GSG1L: variants seen among roughly 807,000 people sequenced by gnomAD.
The protein encoded by GSG1L is germ cell-specific gene 1-like protein.
Under a neutral mutation model 42.1 loss-of-function variants are expected in GSG1L, and 24 were observed. That is an observed-to-expected ratio of 0.57 (90% CI 0.41 to 0.80). The LOEUF (loss-of-function observed/expected upper bound fraction) is 0.80. Ranked by LOEUF, GSG1L falls within the 30% of genes least tolerant of loss-of-function variation. GSG1L has a pLI of 0.00. For missense variants in GSG1L, 445 were observed against 472.2 expected (o/e 0.94, Z 0.53); for synonymous variants, 215 against 203.5 (o/e 1.06, Z -0.48).
At chr16:27,986,463 A>G (rs890979643) in intron 1 of GSG1L, among the ~76,000 whole-genome samples, 17 of 151,162 alleles carry the variant, frequency 1.1e-4, no homozygotes, top group African/African-American at 3.7e-4. Context: ...CTGAGATCAC[A>G]CCATTGCACT....
At chr16:27,984,154 C>T (rs2085354614) in intron 1 of GSG1L, among the ~76,000 whole-genome samples, 1 of 152,230 alleles carries the variant, frequency 6.6e-6, no homozygotes, top group South Asian at 2.1e-4. Flanking sequence ...TGCATGGCCG[C>T]AAGACACCAC....
chr16:27,794,577 C>T (rs527779909), intron 6 of GSG1L, among the ~76,000 whole-genome samples: 2 of 152,242 alleles, frequency 1.3e-5, no homozygotes, highest in South Asian at 2.1e-4. Context: ...GTGATCCACC[C>T]GCCTCGGCCT....
intron 1 of GSG1L, among the ~76,000 whole-genome samples, chr16:27,965,250 C>G (rs2085118010): frequency 6.6e-6 from 1 of 152,000 alleles, no homozygotes; most frequent in Non-Finnish European, 1.5e-5. Flanking sequence ...AACTCCTGAC[C>G]TCAAGTGATC....
chr16:27,808,049 G>A (rs780019099), intron 5 of GSG1L, among the ~76,000 whole-genome samples: 2 of 152,092 alleles, frequency 1.3e-5, no homozygotes, highest in Admixed American at 6.6e-5. Context: ...TTCTGATGGG[G>A]GGCAACAGGC....
intron 4 of GSG1L, 123 bp from the exon 5 acceptor site, chr16:27,829,079 T>A: frequency 2.3e-6 from 2 of 859,666 alleles, no homozygotes; most frequent in South Asian, 1.7e-5. Flanking sequence ...CTTAAGCAGT[T>A]ACTGCCACAG....
chr16:27,906,959 C>T (rs1340417783), intron 2 of GSG1L, among the ~76,000 whole-genome samples: 1 of 152,144 alleles, frequency 6.6e-6, no homozygotes, highest in African/African-American at 2.4e-5. Context: ...AAATAGAACC[C>T]ACTTTTCCTT....
chr16:27,966,243 G>A (rs2085131904), intron 1 of GSG1L, among the ~76,000 whole-genome samples: 1 of 152,186 alleles, frequency 6.6e-6, no homozygotes, highest in South Asian at 2.1e-4. Flanking sequence ...CCTTCTGGAT[G>A]GATTCCTAAC....
At position 27,805,822 on chromosome 16, in the gene GSG1L, C is replaced by G. The variant is rs544130223; in HGVS notation, c.898+1665G>C. 8.6e-5 allele frequency among the ~76,000 whole-genome samples: 13 copies of G among 151,390 alleles called. No individual in the cohort carries two copies. The South Asian group carries it at 1.3e-3, about 15-fold the overall frequency. On this transcript the variant is annotated intron_variant, in intron 6 of 6. Coordinates refer to ENST00000447459, the MANE Select transcript of GSG1L (RefSeq NM_001109763.2). ...AGGGGTTTTGCCATTTCCTCTGACC[C>G]TGAGAACTCTCGTTCTTAATTCCAG...
chr16:28,026,239 A>G (rs2085899316), intron 1 of GSG1L, among the ~76,000 whole-genome samples: 1 of 152,150 alleles, frequency 6.6e-6, no homozygotes, highest in African/African-American at 2.4e-5. Context: ...CACCCGGTAT[A>G]TCACGGGAGC....
chr16:27,890,853 C>G (rs543187099), intron 2 of GSG1L, among the ~76,000 whole-genome samples: 1 of 152,186 alleles, frequency 6.6e-6, no homozygotes, highest in East Asian at 1.9e-4. Context: ...TGCCTCTGAA[C>G]ACATGTGGGA....
chr16:27,936,036 G>C (rs2084712334), intron 2 of GSG1L, among the ~76,000 whole-genome samples: 1 of 150,940 alleles, frequency 6.6e-6, no homozygotes, highest in Non-Finnish European at 1.5e-5. Flanking sequence ...CAGGACCCAG[G>C]GAATCACCCC....
At chr16:27,964,062 G>A (rs2141108939) in intron 1 of GSG1L, among the ~76,000 whole-genome samples, 1 of 152,236 alleles carries the variant, frequency 6.6e-6, no homozygotes, top group South Asian at 2.1e-4. Flanking sequence ...GCTAGAGGGA[G>A]GGAAATTCAA....
chr16:27,908,321 C>T (rs1324360683), intron 2 of GSG1L, among the ~76,000 whole-genome samples: 5 of 152,250 alleles, frequency 3.3e-5, no homozygotes, highest in Non-Finnish European at 5.9e-5. Context: ...GATCACCCCA[C>T]ATGTTGAAGC....
At chr16:27,850,051 G>A (rs1186383721) in intron 3 of GSG1L, among the ~76,000 whole-genome samples, 1 of 40,622 alleles carries the variant, frequency 2.5e-5, no homozygotes, top group Non-Finnish European at 4.2e-5. Flanking sequence ...TTTTTGAGAT[G>A]GGAATCTCAC....
At chr16:27,932,106 G>A (rs1555508967) in intron 2 of GSG1L, among the ~76,000 whole-genome samples, 1 of 152,170 alleles carries the variant, frequency 6.6e-6, no homozygotes, top group Non-Finnish European at 1.5e-5. Flanking sequence ...AGGCTGGAGT[G>A]CAGTGGCATG....
At chr16:27,830,858 C>T (rs1329274043) in intron 4 of GSG1L, among the ~76,000 whole-genome samples, 2 of 152,194 alleles carry the variant, frequency 1.3e-5, no homozygotes, top group Non-Finnish European at 2.9e-5. Flanking sequence ...TTCTGGATTC[C>T]ATGAGTAAGG....
chr16:27,999,636 G>C (rs1270130927), intron 1 of GSG1L, among the ~76,000 whole-genome samples: 1 of 152,120 alleles, frequency 6.6e-6, no homozygotes, highest in Non-Finnish European at 1.5e-5. Context: ...TATAAGCTCT[G>C]CCTCCCTAAC....
At chr16:27,984,745 A>T (rs574081573) in intron 1 of GSG1L, among the ~76,000 whole-genome samples, 1 of 150,568 alleles carries the variant, frequency 6.6e-6, no homozygotes, top group African/African-American at 2.4e-5. Flanking sequence ...TATAATTTTT[A>T]TTTTTTTCCT....
chr16:27,810,432 T>C (rs1471038669), intron 5 of GSG1L, among the ~76,000 whole-genome samples: 5 of 152,218 alleles, frequency 3.3e-5, no homozygotes, highest in Non-Finnish European at 7.3e-5. Context: ...ATCTCATCAC[T>C]GTGCTTCAGC....
Sources: gnomAD v4.1 joint callset for allele counts (sites outside exome capture counted in the v4.1 genomes callset) on GRCh38, gnomAD v4.1.1 for gene constraint, MANE v1.5 for transcripts, NCBI Gene and HGNC (gene_info 2026-07-23, HGNC 2026-07-21) for gene names.